Variants in EPHB2 observed in about 807,000 individuals in gnomAD.
EPHB2 encodes the protein ephrin type-B receptor 2.
In EPHB2, 18 loss-of-function variants were observed where a neutral mutation model predicts 96.4. The observed-to-expected ratio is 0.19, with a 90% CI of 0.13 to 0.28. EPHB2 has a LOEUF of 0.28. Ranked by LOEUF, EPHB2 falls within the 10% of genes least tolerant of loss-of-function variation. The pLI, the probability that EPHB2 is intolerant of heterozygous loss-of-function variation, is 1.00. For synonymous variants in EPHB2, 506 were observed against 534.1 expected (o/e 0.95, Z 0.72); for missense variants, 989 against 1,355.4 (o/e 0.73, Z 4.25).
Position 22,726,646 on chromosome 1 carries a change from T to G in EPHB2, c.61+15603T>G, listed in dbSNP as rs1643588257. Reference sequence around the variant, plus strand: ...CATGTTGGCCAGGCTGGTCTTGAACTCCTGACTTCAAGTGATCTGCCCGCC... The same window carrying G: ...CATGTTGGCCAGGCTGGTCTTGAACGCCTGACTTCAAGTGATCTGCCCGCC... On this transcript the variant is annotated intron_variant, in intron 1 of 15. Transcript: ENST00000374630. Among the ~76,000 whole-genome samples, 3 of 152,258 alleles carry G rather than the reference T, an allele frequency of 2.0e-5. No homozygotes were observed. The South Asian group carries it at 6.2e-4, about 32-fold the overall frequency.
intron 1 of EPHB2, among the ~76,000 whole-genome samples, chr1:22,728,169 T>C (rs1188016880): frequency 6.6e-6 from 1 of 152,226 alleles, no homozygotes; most frequent in African/African-American, 2.4e-5. Flanking sequence ...TTATCTCTTT[T>C]GTTTACAAAT....
rs1022230918 is a variant in EPHB2, at chr1:22,882,365, C to T, written c.1310C>T (p.Ser437Leu). ...CCTCTGGCCTCTCTTCCAGCTCCAT[C>T]GGCAGTGTCCATCATGCATCAGGTG... ...VNITTNQAAPSAVSIMHQVSR... is the reference protein window; with the variant it reads ...VNITTNQAAPLAVSIMHQVSR... Residue 437 changes from serine (S) to leucine (L), a missense_variant, in exon 6 of 16, where the codon TCG (serine) becomes TTG (leucine). By Grantham distance (145) the Ser-to-Leu change is moderately radical. Transcript: ENST00000374630. The T allele has an allele frequency of 8.1e-6, 13 of 1,613,814 alleles. No individual in the cohort carries two copies. Among genetic ancestry groups the T allele is most frequent in the African/African-American group, 6.7e-5 (5 of 74,932 alleles).
intron 3 of EPHB2, among the ~76,000 whole-genome samples, chr1:22,801,120 C>G (rs1485172185): frequency 6.6e-6 from 1 of 152,190 alleles, no homozygotes; most frequent in Non-Finnish European, 1.5e-5. Flanking sequence ...TGGCCATTTC[C>G]CGTCATTTCC....
chr1:22,870,493 GA>G (rs1227169754), intron 5 of EPHB2, among the ~76,000 whole-genome samples: 2 of 152,210 alleles, frequency 1.3e-5, no homozygotes, highest in African/African-American at 4.8e-5. Context: ...CCATAGCAGA[GA>G]GGGGCAGGAG....
rs1639219620 is a variant in EPHB2, at chr1:22,886,213, GGTGGGAACACA to G, written c.1428+3733_1428+3743del. On this transcript the variant is annotated intron_variant, in intron 6 of 15. Transcript: ENST00000374630. Reference sequence around the variant, plus strand: ...ATGCTAGGAGTTCACCAAACGCGCAGGTGGGAACACAGTTGTTCTAGGCATCAGGAATCGCA... The same window carrying G: ...ATGCTAGGAGTTCACCAAACGCGCAGGTTGTTCTAGGCATCAGGAATCGCA... Among the ~76,000 whole-genome samples the G allele has an allele frequency of 2.6e-5, 4 of 152,212 alleles. No individual in the cohort carries two copies. The South Asian group carries it at 8.3e-4, about 32-fold the overall frequency.
intron 4 of EPHB2, 166 bp downstream of exon 4, chr1:22,863,358 T>TC (rs2148524626): frequency 1.8e-6 from 2 of 1,101,382 alleles, no homozygotes; most frequent in African/African-American, 3.1e-5. Flanking sequence ...GTGGCCATGC[T>TC]CCCACCTTGC....
intron 3 of EPHB2, among the ~76,000 whole-genome samples, chr1:22,854,385 A>G (rs1043916365): frequency 2.0e-5 from 3 of 152,096 alleles, no homozygotes; most frequent in Non-Finnish European, 2.9e-5. Context: ...GGTGGTGTGC[A>G]CCTGTAGCCC....
At chr1:22,814,206 A>T (rs58300392) in intron 3 of EPHB2, among the ~76,000 whole-genome samples, 17,371 of 152,124 alleles carry the variant, frequency 0.11, 1,659 homozygotes, top group East Asian at 0.56. Context: ...GATACTCACC[A>T]CATGGATTTG....
At chr1:22,801,743 C>A (rs1302985504) in intron 3 of EPHB2, among the ~76,000 whole-genome samples, 1 of 152,214 alleles carries the variant, frequency 6.6e-6, no homozygotes, top group Admixed American at 6.5e-5. Flanking sequence ...CCATCCCCTT[C>A]CCCCTCCAGA....
intron 8 of EPHB2, 106 bp from the exon 9 acceptor site, chr1:22,896,308 G>A: frequency 7.0e-7 from 1 of 1,433,724 alleles, no homozygotes; most frequent in Non-Finnish European, 9.7e-7. Flanking sequence ...CCTCTGGCAG[G>A]GGTGTGGCTT....
intron 3 of EPHB2, among the ~76,000 whole-genome samples, chr1:22,839,886 G>A (rs950559447): frequency 4.6e-5 from 7 of 152,016 alleles, no homozygotes; most frequent in East Asian, 1.9e-4. Flanking sequence ...CTCACCTATC[G>A]TACCCTACAC....
intron 1 of EPHB2, among the ~76,000 whole-genome samples, chr1:22,724,427 C>T (rs1643537425): frequency 6.6e-6 from 1 of 152,150 alleles, no homozygotes; most frequent in African/African-American, 2.4e-5. Context: ...TTGGCAGCGA[C>T]CAGGAAGAGT....
chr1:22,717,688 A>G (rs10917280), intron 1 of EPHB2, among the ~76,000 whole-genome samples: 43,291 of 152,174 alleles, frequency 0.28, 7,643 homozygotes, highest in South Asian at 0.52. Flanking sequence ...ATTCTTTATT[A>G]GTTTCCGTAA....
chr1:22,803,808 G>A (rs535241729), intron 3 of EPHB2, among the ~76,000 whole-genome samples: 58 of 151,460 alleles, frequency 3.8e-4, no homozygotes, highest in Middle Eastern at 3.5e-3. Context: ...CAGCTACTAG[G>A]GAGGCTGAGG....
intron 6 of EPHB2, 97 bp from the exon 7 acceptor site, chr1:22,892,787 T>C (rs771276842): frequency 3.4e-6 from 5 of 1,478,978 alleles, no homozygotes; most frequent in East Asian, 2.3e-5. Context: ...GTTTATCCAA[T>C]GGCCAGACCT....
chr1:22,803,643 G>GTGTGTATATA (rs1644879132), intron 3 of EPHB2, among the ~76,000 whole-genome samples: 1 of 2,044 alleles, frequency 4.9e-4, no homozygotes, highest in Non-Finnish European at 1.2e-3. Flanking sequence ...GTATATATAT[G>GTGTGTATATA]TGTATATATA....
intron 5 of EPHB2, among the ~76,000 whole-genome samples, chr1:22,873,609 G>A (rs1638742385): frequency 6.6e-6 from 1 of 152,112 alleles, no homozygotes; most frequent in Non-Finnish European, 1.5e-5. Flanking sequence ...TAGACTAAAG[G>A]GAGGTTTCTT....
At chr1:22,804,679 C>T (rs1436118343) in intron 3 of EPHB2, among the ~76,000 whole-genome samples, 41 of 151,334 alleles carry the variant, frequency 2.7e-4, no homozygotes. Context: ...TCTTTCCCAT[C>T]CCACACCCTT....
rs1639522298 is a variant in EPHB2 at position 22,895,355 on chromosome 1, G to A, written c.1592-117G>A. The A allele has an allele frequency of 7.7e-6, 7 of 906,664 alleles. No homozygotes were observed. The Admixed American group carries it at 1.1e-4, about 15-fold the overall frequency. 56.2% of individuals were successfully genotyped at this position (906,664 alleles called of 1,614,324 possible). On this transcript the variant is annotated intron_variant, in intron 7 of 15. Coordinates refer to ENST00000374630, the MANE Select transcript of EPHB2 (RefSeq NM_017449.5). Reference sequence around the variant, plus strand: ...GGCATGTAACAGGTGCTCTGTCAGGGGCAGGAACAGAGTCTAGGGATCCCA... The same window carrying A: ...GGCATGTAACAGGTGCTCTGTCAGGAGCAGGAACAGAGTCTAGGGATCCCA...
Sources: allele counts gnomAD v4.1 joint callset (sites outside exome capture counted in the v4.1 genomes callset), GRCh38; gene constraint gnomAD v4.1.1; transcripts MANE v1.5; gene names NCBI Gene and HGNC (gene_info 2026-07-23, HGNC 2026-07-21).